PDE8A: variants seen among roughly 807,000 people sequenced by gnomAD.
PDE8A encodes high affinity cAMP-specific and IBMX-insensitive 3',5'-cyclic phosphodiesterase 8A.
A neutral mutation model predicts 105.0 loss-of-function variants in PDE8A; 59 were observed. That is an observed-to-expected ratio of 0.56 (90% CI 0.46 to 0.70). The LOEUF (loss-of-function observed/expected upper bound fraction) is 0.70, where lower values mean the gene tolerates loss of function less well. PDE8A is among the 30% of genes least tolerant of loss of function. The pLI is 0.00. For synonymous variants in PDE8A, 355 were observed against 371.9 expected (o/e 0.95, Z 0.52); for missense variants, 1,014 against 1,045.9 (o/e 0.97, Z 0.42).
intron 19 of PDE8A, among the ~76,000 whole-genome samples, chr15:85,125,774 T>C (rs969702506): frequency 2.6e-5 from 4 of 152,164 alleles, no homozygotes; most frequent in African/African-American, 7.2e-5. Flanking sequence ...AGAGCCCATT[T>C]GTTGTGAGGG....
intron 19 of PDE8A, among the ~76,000 whole-genome samples, chr15:85,125,290 C>G (rs1397952593): frequency 6.6e-6 from 1 of 152,182 alleles, no homozygotes; most frequent in Non-Finnish European, 1.5e-5. Flanking sequence ...TGACTAACTC[C>G]TTTGGAATGT....
Position 84,982,331 on chromosome 15 carries a change from G to C in PDE8A, c.169G>C (p.Asp57His). The change falls in exon 1 of 22, where the codon GAC becomes CAC. Residue 57 changes from aspartate (D) to histidine (H), a missense_variant. By Grantham distance (81) the Asp-to-His change is moderately conservative. Transcript: ENST00000394553. ...GAGLLESELR[D>H]GSGKKVAVAD... is the part of the protein sequence containing the mutation. ...CGGCCTCTTGGAGTCGGAGCTTCGC[G>C]ACGGCAGCGGCAAGAAGGTAAGGGG... is the stretch of plus-strand genomic sequence containing the variant. 3.0e-6 allele frequency: 4 copies of C among 1,325,930 alleles called. No homozygotes were observed. In the South Asian group the frequency reaches 8.1e-5, roughly 27 times the overall value. The allele number at this position is 1,325,930 out of a possible 1,614,324, so 82.1% of individuals were successfully genotyped here. A position where few individuals can be genotyped will look rare whatever the true frequency, so the allele number is the denominator to read the frequency against.
At chr15:85,015,179 A>G (rs546741921) in intron 1 of PDE8A, among the ~76,000 whole-genome samples, 1 of 151,976 alleles carries the variant, frequency 6.6e-6, no homozygotes, top group East Asian at 1.9e-4. Flanking sequence ...TAACCAGCTC[A>G]TGTTGGTGAA....
intron 1 of PDE8A, among the ~76,000 whole-genome samples, chr15:85,044,860 G>A (rs527725062): frequency 7.2e-5 from 11 of 152,218 alleles, no homozygotes; most frequent in African/African-American, 2.6e-4. Flanking sequence ...ACCTTTAAGC[G>A]GCTTTTCATG....
intron 1 of PDE8A, among the ~76,000 whole-genome samples, chr15:85,015,485 C>CT (rs879661065): frequency 1.1e-4 from 16 of 152,088 alleles, no homozygotes; most frequent in Non-Finnish European, 1.6e-4. Flanking sequence ...TGAGAGTCAT[C>CT]TTTTTTGTTT....
At chr15:85,046,845 C>G (rs1270966917) in intron 1 of PDE8A, among the ~76,000 whole-genome samples, 1 of 152,124 alleles carries the variant, frequency 6.6e-6, no homozygotes, top group Non-Finnish European at 1.5e-5. Context: ...GATGTTAGAT[C>G]AGTTAGGCAA....
chr15:85,100,458 C>CA (rs1285031475), intron 11 of PDE8A, among the ~76,000 whole-genome samples: 1 of 152,216 alleles, frequency 6.6e-6, no homozygotes, highest in East Asian at 1.9e-4. Context: ...TGCATGAACT[C>CA]ATGTGAAGTG....
At chr15:85,116,681 A>G (rs1448687715) in intron 16 of PDE8A, among the ~76,000 whole-genome samples, 1 of 152,302 alleles carries the variant, frequency 6.6e-6, no homozygotes, top group South Asian at 2.1e-4. Flanking sequence ...AGGTCCACAG[A>G]GCTGATTCCA....
intron 1 of PDE8A, among the ~76,000 whole-genome samples, chr15:85,045,872 A>G (rs1033576554): frequency 1.3e-5 from 2 of 152,136 alleles, no homozygotes; most frequent in Admixed American, 1.3e-4. Flanking sequence ...GCCTGAAGGG[A>G]TAGTATGGTT....
chr15:85,039,005 T>C lies in PDE8A; in HGVS notation c.187-25365T>C, dbSNP rs547962459. On this transcript the variant is annotated intron_variant, in intron 1 of 21. Coordinates refer to ENST00000394553, the MANE Select transcript of PDE8A (RefSeq NM_002605.3). ...GCGTGGTGGTTCATGCCTGTAATCC[T>C]AGCTACTTGGGAGGCTGAGGCAGGA... Among the ~76,000 whole-genome samples the C allele has an allele frequency of 2.7e-3, 403 of 151,882 alleles. 1 individual carries two copies. Among genetic ancestry groups the C allele is most frequent in the Non-Finnish European group, 3.4e-3 (234 of 67,948 alleles).
chr15:84,994,381 A>G lies in PDE8A; in HGVS notation c.186+12033A>G, dbSNP rs568225843. Among the ~76,000 whole-genome samples the G allele has an allele frequency of 9.6e-4, 146 of 152,358 alleles. 1 individual carries two copies. The highest frequency in any genetic ancestry group is 3.4e-3 in the African/African-American group (141 of 41,590). On this transcript the variant is annotated intron_variant, in intron 1 of 21. Coordinates refer to ENST00000394553, the MANE Select transcript of PDE8A (RefSeq NM_002605.3). ...CAAGGTGTACAAAATCCCTAAGTGTACAGCTTGATGAATTTTCCTCATGCT... is the reference window on the plus strand; with the variant it reads ...CAAGGTGTACAAAATCCCTAAGTGTGCAGCTTGATGAATTTTCCTCATGCT...
chr15:85,084,917 AT>A (rs113929286), intron 6 of PDE8A, among the ~76,000 whole-genome samples: 13,392 of 152,074 alleles, frequency 0.088, 1,616 homozygotes, highest in African/African-American at 0.28. Flanking sequence ...GATCTTACTA[AT>A]TTTTGGAATC....
chr15:85,096,389 G>A (rs544578926), intron 8 of PDE8A, among the ~76,000 whole-genome samples: 7 of 152,226 alleles, frequency 4.6e-5, no homozygotes, highest in African/African-American at 1.7e-4. Flanking sequence ...AGCCTGGGAG[G>A]TTGAGGCTGC....
At chr15:85,071,274 G>C (rs1452730392) in intron 3 of PDE8A, among the ~76,000 whole-genome samples, 1 of 152,220 alleles carries the variant, frequency 6.6e-6, no homozygotes, top group African/African-American at 2.4e-5. Context: ...TGGGATGCTG[G>C]AGTTGCTCTA....
intron 11 of PDE8A, among the ~76,000 whole-genome samples, chr15:85,103,886 TTGTC>T (rs2081906154): frequency 6.6e-6 from 1 of 152,202 alleles, no homozygotes; most frequent in South Asian, 2.1e-4. Context: ...AAGCACTCAT[TTGTC>T]TGGGCCTGTG....
chr15:85,109,071 A>G lies in PDE8A; in HGVS notation c.1055A>G (p.His352Arg), dbSNP rs2141589614. 3 of 1,609,838 alleles carry G rather than the reference A, an allele frequency of 1.9e-6. No individual in the cohort carries two copies. Among genetic ancestry groups the G allele is most frequent in the Non-Finnish European group, 2.6e-6 (3 of 1,176,448 alleles). Reference sequence around the variant, plus strand: ...TCTACAGATAATCAGACAGGCAAACATAAAGACAGGAGAAAAGGCTCACTA... The same window carrying G: ...TCTACAGATAATCAGACAGGCAAACGTAAAGACAGGAGAAAAGGCTCACTA... ...DTHTDNQTGK[H>R]KDRRKGSLDV... is the part of the protein sequence containing the mutation. Residue 352 changes from histidine to arginine, a missense_variant, in exon 12 of 22, where the codon CAT becomes CGT. His to Arg is a conservative substitution (Grantham distance 29, BLOSUM62 0). Coordinates refer to ENST00000394553, the MANE Select transcript of PDE8A (RefSeq NM_002605.3).
In PDE8A at chr15:84,996,543, G is replaced by T. The variant is rs555761437; in HGVS notation, c.186+14195G>T. On this transcript the variant is annotated intron_variant, in intron 1 of 21. Coordinates refer to ENST00000394553, the MANE Select transcript of PDE8A (RefSeq NM_002605.3). ...AATACAGTATAAAAGATAAAAAATG[G>T]GCTGGGCATGGTGGCTCATGCCTGT... 3.3e-5 allele frequency among the ~76,000 whole-genome samples: 5 copies of T among 152,034 alleles called. No individual in the cohort carries two copies. In the South Asian group the frequency reaches 1.0e-3, roughly 32 times the overall value.
intron 1 of PDE8A, among the ~76,000 whole-genome samples, chr15:85,052,913 A>G (rs2080999737): frequency 6.6e-6 from 1 of 152,160 alleles, no homozygotes; most frequent in African/African-American, 2.4e-5. Context: ...CTATGTCCCG[A>G]ATGATATTGC....
intron 8 of PDE8A, chr15:85,097,745 C>T (rs890447275): frequency 1.8e-6 from 1 of 544,608 alleles, no homozygotes; most frequent in East Asian, 3.2e-5. Context: ...CTATGGTGAC[C>T]TGACTTTTGT....
Sources: allele counts gnomAD v4.1 joint callset (sites outside exome capture counted in the v4.1 genomes callset), GRCh38; gene constraint gnomAD v4.1.1; transcripts MANE v1.5; gene names NCBI Gene and HGNC (gene_info 2026-07-23, HGNC 2026-07-21).